ZC3H14: variants seen among roughly 807,000 people sequenced by gnomAD.
ZC3H14 encodes the protein zinc finger CCCH-type containing 14.
Under a neutral mutation model 92.4 loss-of-function variants are expected in ZC3H14, and 31 were observed. The observed-to-expected ratio is 0.34, with a 90% CI of 0.25 to 0.45. ZC3H14 has a LOEUF of 0.45. Ranked by LOEUF, ZC3H14 falls within the 20% of genes least tolerant of loss-of-function variation. The pLI, the probability that ZC3H14 is intolerant of heterozygous loss-of-function variation, is 1.00. For synonymous variants in ZC3H14, 321 were observed against 300.9 expected (o/e 1.07, Z -0.69); for missense variants, 781 against 897.3 (o/e 0.87, Z 1.66).
Position 88,621,414 on chromosome 14 carries a change from T to A in ZC3H14, c.*9663T>A. Reference sequence around the variant, plus strand: ...TTTCAGAGAACTTTTTGCTTTGAGCTAATCTAGTAGCAAGGCAGTCATTAG... The same window carrying A: ...TTTCAGAGAACTTTTTGCTTTGAGCAAATCTAGTAGCAAGGCAGTCATTAG... On this transcript the variant is annotated 3_prime_UTR_variant, in exon 17 of 17. Coordinates refer to ENST00000251038, the MANE Select transcript of ZC3H14 (RefSeq NM_024824.5). 1.6e-6 allele frequency: 2 copies of A among 1,256,990 alleles called. No homozygotes were observed. Among genetic ancestry groups the A allele is most frequent in the Non-Finnish European group, 2.3e-6 (2 of 881,012 alleles). The allele number at this position is 1,256,990 out of a possible 1,614,324, so 77.9% of individuals were successfully genotyped here.
chr14:88,582,995 T>A (rs2082083170), intron 9 of ZC3H14, among the ~76,000 whole-genome samples: 1 of 152,146 alleles, frequency 6.6e-6, no homozygotes. Context: ...TACTTTTTGC[T>A]TTTTGTCTTG....
chr14:88,622,639 C>T lies in ZC3H14; in HGVS notation c.*10888C>T, dbSNP rs1371636301. 1.9e-6 allele frequency: 3 copies of T among 1,610,908 alleles called. No homozygotes were observed. Among genetic ancestry groups the T allele is most frequent in the Admixed American group, 1.7e-5 (1 of 59,648 alleles). ...CACACAGAACGAACACAATCTGTGG[C>T]TTGTCCTGTCTCAAGCCTGAAGGCA... On this transcript the variant is annotated 3_prime_UTR_variant, in exon 17 of 17. Coordinates refer to ENST00000251038, the MANE Select transcript of ZC3H14 (RefSeq NM_024824.5).
At chr14:88,596,682 C>G (rs1012659664) in intron 9 of ZC3H14, 52 bp from the exon 10 acceptor site, 8 of 1,491,942 alleles carry the variant, frequency 5.4e-6, no homozygotes, top group Non-Finnish European at 7.5e-6. Flanking sequence ...GAACCACATG[C>G]TGGTATTGTC....
chr14:88,585,928 G>A (rs2082418544), intron 9 of ZC3H14, among the ~76,000 whole-genome samples: 1 of 152,160 alleles, frequency 6.6e-6, no homozygotes, highest in Admixed American at 6.5e-5. Context: ...CAGCACTTTG[G>A]GAGGCTGAGG....
intron 9 of ZC3H14, among the ~76,000 whole-genome samples, chr14:88,587,114 C>T (rs1244744037): frequency 2.0e-5 from 3 of 150,824 alleles, no homozygotes; most frequent in African/African-American, 7.3e-5. Context: ...TATTTCTTGT[C>T]TGGTTATATT....
chr14:88,624,613 C>T lies in ZC3H14; in HGVS notation c.*12862C>T, dbSNP rs2089629903. On this transcript the variant is annotated 3_prime_UTR_variant, in exon 17 of 17. Transcript: ENST00000251038. Reference sequence around the variant, plus strand: ...TCTACTCCTTAGAATCCATTCTGAACAAAAAGAGAGCAGGCAGTCAAAATA... The same window carrying T: ...TCTACTCCTTAGAATCCATTCTGAATAAAAAGAGAGCAGGCAGTCAAAATA... 2 of 201,384 alleles carry T rather than the reference C, an allele frequency of 9.9e-6. No individual in the cohort carries two copies. The highest frequency in any genetic ancestry group is 5.5e-5 in the Admixed American group (1 of 18,130). The allele number at this position is 201,384 out of a possible 1,614,324, so 12.5% of individuals were successfully genotyped here.
Position 88,568,039 on chromosome 14 carries a change from A to G in ZC3H14, c.80A>G (p.Asp27Gly). The part of the protein sequence containing the change: ...GKLQELGAYV[D>G]EELPDYIMVM... ...TTGATCTACCTTTCCTTTTAAATAG[A>G]TGAAGAACTTCCTGATTACATTATG... Residue 27 changes from aspartate to glycine, a missense_variant and splice_region_variant, in exon 3 of 17, where the codon GAT becomes GGT. Asp to Gly is a moderately conservative substitution (Grantham distance 94). Coordinates refer to ENST00000251038, the MANE Select transcript of ZC3H14 (RefSeq NM_024824.5). The G allele has an allele frequency of 1.9e-6, 3 of 1,613,504 alleles. No individual in the cohort carries two copies. The highest frequency in any genetic ancestry group is 2.5e-6 in the Non-Finnish European group (3 of 1,179,448).
chr14:88,571,140 T>TTC lies in ZC3H14; in HGVS notation c.235+17_235+18insCT. 1 of 1,578,398 alleles carries TTC rather than the reference T, an allele frequency of 6.3e-7. No homozygotes were observed. The highest frequency in any genetic ancestry group is 1.2e-5 in the South Asian group (1 of 85,300). On this transcript the variant is annotated intron_variant, in intron 4 of 16. Coordinates refer to ENST00000251038, the MANE Select transcript of ZC3H14 (RefSeq NM_024824.5). ...GTTACAACTGGTAAGATTCATAACTTTTTTTTTTAATTTCTGCTTGCTATG... is the reference window on the plus strand; with the variant it reads ...GTTACAACTGGTAAGATTCATAACTTTCTTTTTTTTAATTTCTGCTTGCTATG...
In ZC3H14 at chr14:88,563,615, C is replaced by T. The variant is rs144141614; in HGVS notation, c.37-36C>T. 1,161 of 1,612,384 alleles carry T rather than the reference C, an allele frequency of 7.2e-4. 7 individuals carry two copies. The African/African-American group carries it at 0.013, about 18-fold the overall frequency. The stretch of plus-strand genomic sequence containing the variant: ...GTCCGGTCTTGTTTTCCTAGAGCCG[C>T]CTTTCTCACATGCACGTTTGCTCTT... On this transcript the variant is annotated intron_variant, in intron 1 of 16. Coordinates refer to ENST00000251038, the MANE Select transcript of ZC3H14 (RefSeq NM_024824.5).
In ZC3H14 at chr14:88,607,283, A is replaced by G. The variant is rs762331001; in HGVS notation, c.1788A>G (p.Lys596=). 6.2e-7 allele frequency: 1 copy of G among 1,613,982 alleles called. No individual in the cohort carries two copies. The highest frequency in any genetic ancestry group is 8.5e-7 in the Non-Finnish European group (1 of 1,179,966). ...TGAGTGTGGCACAGAAACCAGAAAA[A>G]CTTTTGGAGCGCTGCAAGTACTGGC... ...SELSVAQKPE[K]LLERCKYWPA... is the part of the protein sequence containing the mutation. The change falls in exon 13 of 17, where the codon AAA becomes AAG. Residue 596 remains lysine (K), a synonymous_variant. Coordinates refer to ENST00000251038, the MANE Select transcript of ZC3H14 (RefSeq NM_024824.5).
At chr14:88,595,977 C>T (rs187294654) in intron 9 of ZC3H14, among the ~76,000 whole-genome samples, 1 of 152,142 alleles carries the variant, frequency 6.6e-6, no homozygotes, top group African/African-American at 2.4e-5. Context: ...GTGACATTCT[C>T]CCATCCTCAA....
Position 88,625,159 on chromosome 14 carries a change from T to G in ZC3H14, c.*13408T>G. 6.2e-7 allele frequency: 1 copy of G among 1,609,362 alleles called. No individual in the cohort carries two copies. The highest frequency in any genetic ancestry group is 8.5e-7 in the Non-Finnish European group (1 of 1,177,904). On this transcript the variant is annotated 3_prime_UTR_variant, in exon 17 of 17. Transcript: ENST00000251038. Reference sequence around the variant, plus strand: ...AGGAGTGGGGGAGGGGGAGACAAACTCATCAAAAGTTCAAATAGAGTTTAA... The same window carrying G: ...AGGAGTGGGGGAGGGGGAGACAAACGCATCAAAAGTTCAAATAGAGTTTAA...
chr14:88,621,965 A>G lies in ZC3H14; in HGVS notation c.*10214A>G, dbSNP rs1481766747. ...TCATCCTACAGTACTACAGAATACTAAAACATACTATTCCTATCTGGCTGT... is the reference window on the plus strand; with the variant it reads ...TCATCCTACAGTACTACAGAATACTGAAACATACTATTCCTATCTGGCTGT... On this transcript the variant is annotated 3_prime_UTR_variant, in exon 17 of 17. Coordinates refer to ENST00000251038, the MANE Select transcript of ZC3H14 (RefSeq NM_024824.5). The G allele has an allele frequency of 2.3e-6, 1 of 443,224 alleles. No individual in the cohort carries two copies. Among genetic ancestry groups the G allele is most frequent in the Non-Finnish European group, 4.5e-6 (1 of 220,354 alleles). The allele number at this position is 443,224 out of a possible 1,614,324, so 27.5% of individuals were successfully genotyped here.
At position 88,625,231 on chromosome 14, in the gene ZC3H14, A is replaced by G. The variant is rs1047173765; in HGVS notation, c.*13480A>G. 31 of 1,337,758 alleles carry G rather than the reference A, an allele frequency of 2.3e-5. No individual in the cohort carries two copies. The highest frequency in any genetic ancestry group is 6.8e-5 in the Admixed American group (3 of 44,444). The allele number at this position is 1,337,758 out of a possible 1,614,324, so 82.9% of individuals were successfully genotyped here. A position where few individuals can be genotyped will look rare whatever the true frequency, so the allele number is the denominator to read the frequency against. ...TGTAATGCTGTCTCACCCTTGATAC[A>G]AAGAGCATGCATCGTGTAGTGGCAG... On this transcript the variant is annotated 3_prime_UTR_variant, in exon 17 of 17. Coordinates refer to ENST00000251038, the MANE Select transcript of ZC3H14 (RefSeq NM_024824.5).
At chr14:88,594,478 G>A (rs1221763200) in intron 9 of ZC3H14, 37 of 1,324,516 alleles carry the variant, frequency 2.8e-5, no homozygotes, top group East Asian at 6.7e-5. Context: ...TAGTTGTAGC[G>A]AAGAGCAATT....
At chr14:88,572,503 A>G (rs557018660) in intron 5 of ZC3H14, 75 bp from the exon 6 acceptor site, 56 of 1,573,382 alleles carry the variant, frequency 3.6e-5, no homozygotes, top group Middle Eastern at 1.7e-4. Context: ...AAATTTTTCA[A>G]GTAAACATTC....
chr14:88,622,085 G>C lies in ZC3H14; in HGVS notation c.*10334G>C. 1 of 247,052 alleles carries C rather than the reference G, an allele frequency of 4.0e-6. No homozygotes were observed. Among genetic ancestry groups the C allele is most frequent in the Non-Finnish European group, 8.5e-6 (1 of 117,600 alleles). 15.3% of individuals were successfully genotyped at this position (247,052 alleles called of 1,614,324 possible). ...CACTATTCTACTCTCCACCTCTGTGGGATCAACTTTTTTAGTTTCTGCACA... is the reference window on the plus strand; with the variant it reads ...CACTATTCTACTCTCCACCTCTGTGCGATCAACTTTTTTAGTTTCTGCACA... On this transcript the variant is annotated 3_prime_UTR_variant, in exon 17 of 17. Coordinates refer to ENST00000251038, the MANE Select transcript of ZC3H14 (RefSeq NM_024824.5).
chr14:88,583,246 C>G (rs1164326659), intron 9 of ZC3H14, among the ~76,000 whole-genome samples: 1 of 151,702 alleles, frequency 6.6e-6, no homozygotes, highest in Non-Finnish European at 1.5e-5. Flanking sequence ...ATCCTCCCAC[C>G]TCAGGGACCA....
intron 16 of ZC3H14, among the ~76,000 whole-genome samples, chr14:88,611,409 C>T (rs1019819126): frequency 6.6e-6 from 1 of 152,136 alleles, no homozygotes; most frequent in Non-Finnish European, 1.5e-5. Context: ...TTTAACTTCT[C>T]ATTATATACT....
Sources: gnomAD v4.1 joint callset for allele counts (sites outside exome capture counted in the v4.1 genomes callset) on GRCh38, gnomAD v4.1.1 for gene constraint, MANE v1.5 for transcripts, NCBI Gene and HGNC (gene_info 2026-07-23, HGNC 2026-07-21) for gene names.